The following NIPAL3 variants were observed in gnomAD, a reference collection of about 807,000 sequenced individuals.
NIPAL3 encodes NIPA like domain containing 3.
Under a neutral mutation model 47.2 loss-of-function variants are expected in NIPAL3, and 41 were observed. The observed-to-expected ratio is 0.87, with a 90% confidence interval of 0.68 to 1.13. NIPAL3 has a LOEUF of 1.13. Ranked by LOEUF, NIPAL3 falls within the 50% of genes most tolerant of loss-of-function variation. The probability of loss-of-function intolerance (pLI) is 0.00; values close to 1 mark genes in which losing one functional copy is unlikely to be tolerated. For missense variants in NIPAL3, 449 were observed against 530.1 expected (o/e 0.85, Z 1.50); for synonymous variants, 194 against 209.6 (o/e 0.93, Z 0.64).
intron 8 of NIPAL3, 75 bp from the exon 9 acceptor site, chr1:24,458,813 A>G (rs1646339595): frequency 1.7e-6 from 2 of 1,167,112 alleles, no homozygotes; most frequent in Admixed American, 1.7e-5. Flanking sequence ...ATTTCAAACC[A>G]AACTCTACTG....
At chr1:24,460,629 GC>G (rs1646427766) in intron 10 of NIPAL3, 85 bp downstream of exon 10, 1 of 1,131,334 alleles carries the variant, frequency 8.8e-7, no homozygotes, top group Admixed American at 3.2e-5. Flanking sequence ...TATTGCTACA[GC>G]CGCCCCATCC....
intron 7 of NIPAL3, among the ~76,000 whole-genome samples, chr1:24,455,601 T>C (rs767830051): frequency 1.4e-4 from 21 of 152,142 alleles, no homozygotes; most frequent in East Asian, 3.8e-4. Context: ...GGAGGGTAGC[T>C]TGAGCCCAAG....
intron 2 of NIPAL3, among the ~76,000 whole-genome samples, chr1:24,426,066 C>A (rs898563654): frequency 6.6e-6 from 1 of 152,186 alleles, no homozygotes; most frequent in Non-Finnish European, 1.5e-5. Context: ...ACGGTTATAA[C>A]CCCATTTTAC....
intron 2 of NIPAL3, among the ~76,000 whole-genome samples, chr1:24,423,671 A>G (rs1184004178): frequency 3.3e-5 from 5 of 152,294 alleles, no homozygotes; most frequent in Non-Finnish European, 7.3e-5. Context: ...GCAGAGGGCC[A>G]CACGGGACAC....
chr1:24,444,244 C>T (rs1212022670), intron 4 of NIPAL3, among the ~76,000 whole-genome samples: 1 of 152,058 alleles, frequency 6.6e-6, no homozygotes, highest in Non-Finnish European at 1.5e-5. Context: ...AAATGACTTA[C>T]ATATATCATT....
chr1:24,465,078 T>A (rs1193563174), intron 11 of NIPAL3: 1 of 152,110 alleles, frequency 6.6e-6, no homozygotes, highest in African/African-American at 2.4e-5. Flanking sequence ...GTAGCCAGCC[T>A]GCCTGAGTAT....
intron 10 of NIPAL3, among the ~76,000 whole-genome samples, chr1:24,462,066 T>C (rs1646496691): frequency 6.6e-6 from 1 of 152,072 alleles, no homozygotes; most frequent in South Asian, 2.1e-4. Flanking sequence ...AAACTTACAG[T>C]CATTGCAGAA....
At chr1:24,435,178 A>G (rs1255213992) in intron 2 of NIPAL3, among the ~76,000 whole-genome samples, 1 of 152,246 alleles carries the variant, frequency 6.6e-6, no homozygotes, top group African/African-American at 2.4e-5. Flanking sequence ...TTCAACAAAT[A>G]GCACAGGAAT....
chr1:24,464,491 T>C (rs1313746180), intron 11 of NIPAL3: 1 of 157,484 alleles, frequency 6.3e-6, no homozygotes, highest in African/African-American at 2.4e-5. Flanking sequence ...AATTAAAATA[T>C]TATAATCTCA....
At chr1:24,418,036 C>A (rs1255849689) in intron 1 of NIPAL3, among the ~76,000 whole-genome samples, 3 of 152,194 alleles carry the variant, frequency 2.0e-5, no homozygotes, top group Non-Finnish European at 4.4e-5. Flanking sequence ...GCTATGCCTG[C>A]ATTTTACATG....
chr1:24,449,774 C>T lies in NIPAL3; in HGVS notation c.540+148C>T. On this transcript the variant is annotated intron_variant, in intron 6 of 11. Transcript: ENST00000374399. The surrounding 1 kb of genome is among the most constrained non-coding windows in gnomAD (Gnocchi z 4.5). ...AAAGACCGTGCTTCTGGAGAGTACA[C>T]AGCTCATGGCGAAATGCTTGTTTCA... 2.6e-6 allele frequency: 2 copies of T among 782,610 alleles called. No homozygotes were observed. The highest frequency in any genetic ancestry group is 3.9e-6 in the Non-Finnish European group (2 of 514,552). 48.5% of individuals were successfully genotyped at this position (782,610 alleles called of 1,614,324 possible).
chr1:24,448,026 T>G (rs1645754470), intron 5 of NIPAL3, among the ~76,000 whole-genome samples: 1 of 152,340 alleles, frequency 6.6e-6, no homozygotes, highest in South Asian at 2.1e-4. Flanking sequence ...TGAAGAAAAC[T>G]TTAGATAACA....
At chr1:24,420,565 GA>G (rs2148744392) in intron 2 of NIPAL3, among the ~76,000 whole-genome samples, 2 of 152,242 alleles carry the variant, frequency 1.3e-5, no homozygotes, top group South Asian at 4.1e-4. Context: ...ATTACTTGGA[GA>G]TAATTTTCAT....
intron 2 of NIPAL3, among the ~76,000 whole-genome samples, chr1:24,438,790 G>A (rs1358473883): frequency 6.6e-6 from 1 of 152,220 alleles, no homozygotes; most frequent in African/African-American, 2.4e-5. Flanking sequence ...GAACATGCTG[G>A]GAAGGAGGTT....
At chr1:24,425,040 T>C (rs1644511793) in intron 2 of NIPAL3, among the ~76,000 whole-genome samples, 1 of 152,156 alleles carries the variant, frequency 6.6e-6, no homozygotes, top group Non-Finnish European at 1.5e-5. Context: ...GGGAGGGCAC[T>C]TTGCTACAGG....
intron 2 of NIPAL3, among the ~76,000 whole-genome samples, chr1:24,427,387 T>C (rs966452671): frequency 6.6e-6 from 1 of 152,182 alleles, no homozygotes; most frequent in African/African-American, 2.4e-5. Flanking sequence ...TTTGGGGGCA[T>C]AATTAATGTT....
chr1:24,450,103 T>A (rs930385873), intron 6 of NIPAL3, among the ~76,000 whole-genome samples: 1 of 152,228 alleles, frequency 6.6e-6, no homozygotes, highest in African/African-American at 2.4e-5. Flanking sequence ...ACGAATGAAC[T>A]GCCACTGTGC....
intron 10 of NIPAL3, among the ~76,000 whole-genome samples, chr1:24,461,409 G>A (rs746326475): frequency 1.3e-5 from 2 of 151,426 alleles, no homozygotes; most frequent in Non-Finnish European, 2.9e-5. Context: ...GGGCATGATG[G>A]TGCATGCCTG....
chr1:24,427,961 C>T (rs897517292), intron 2 of NIPAL3, among the ~76,000 whole-genome samples: 1 of 152,176 alleles, frequency 6.6e-6, no homozygotes, highest in East Asian at 1.9e-4. Flanking sequence ...ACCACAACCC[C>T]TGCAGGCACT....
Sources: gnomAD v4.1 joint callset for allele counts (sites outside exome capture counted in the v4.1 genomes callset) on GRCh38, gnomAD v4.1.1 for gene constraint, Gnocchi (gnomAD v3.1) non-coding constraint, MANE v1.5 for transcripts, NCBI Gene and HGNC (gene_info 2026-07-23, HGNC 2026-07-21) for gene names.